The following BANK1 variants were observed in gnomAD, a reference collection of about 807,000 sequenced individuals.
BANK1 encodes the protein B-cell scaffold protein with ankyrin repeats.
BANK1 carries 95 observed loss-of-function variants against 94.5 expected under a neutral mutation model. That is an observed-to-expected ratio of 1.00 (90% CI 0.85 to 1.19). BANK1 has a LOEUF of 1.19. Among genes scored for constraint, BANK1 ranks in the 50% most tolerant of loss-of-function variants. The probability of loss-of-function intolerance (pLI) is 0.00; values close to 1 mark genes in which losing one functional copy is unlikely to be tolerated. For missense variants in BANK1, 987 were observed against 932.2 expected, an observed-to-expected ratio of 1.06 and a Z score of -0.77; for synonymous variants, 334 against 308.4, an observed-to-expected ratio of 1.08 and a Z score of -0.87.
intron 10 of BANK1, among the ~76,000 whole-genome samples, chr4:102,039,848 A>G (rs977843778): frequency 7.2e-5 from 11 of 151,990 alleles, no homozygotes; most frequent in Middle Eastern, 3.2e-3. Context: ...CACAATACGA[A>G]TCTATGTATT....
intron 1 of BANK1, among the ~76,000 whole-genome samples, chr4:101,828,311 A>G (rs183198102): frequency 6.6e-6 from 1 of 151,156 alleles, no homozygotes; most frequent in Non-Finnish European, 1.5e-5. Flanking sequence ...TCCCTCCCCA[A>G]GTCATATAGC....
intron 7 of BANK1, among the ~76,000 whole-genome samples, chr4:101,965,658 G>A (rs1047018934): frequency 9.2e-5 from 14 of 152,046 alleles, no homozygotes; most frequent in African/African-American, 3.4e-4. Context: ...GTCTCAGAAA[G>A]TAGTTCCTAT....
At chr4:101,922,245 G>C (rs537176866) in intron 7 of BANK1, among the ~76,000 whole-genome samples, 1 of 151,892 alleles carries the variant, frequency 6.6e-6, no homozygotes, top group South Asian at 2.1e-4. Flanking sequence ...TAGGTTTTGT[G>C]TTTAGGCTAG....
intron 10 of BANK1, among the ~76,000 whole-genome samples, chr4:102,033,583 T>C (rs1727401378): frequency 6.6e-6 from 1 of 152,192 alleles, no homozygotes; most frequent in Admixed American, 6.5e-5. Flanking sequence ...CGTAGAAACA[T>C]TAAAGAATCT....
intron 1 of BANK1, among the ~76,000 whole-genome samples, chr4:101,814,100 A>C (rs1489051283): frequency 6.6e-6 from 1 of 152,188 alleles, no homozygotes; most frequent in Non-Finnish European, 1.5e-5. Flanking sequence ...TCTGTACATA[A>C]AAAAGCCCTT....
intron 7 of BANK1, among the ~76,000 whole-genome samples, chr4:101,937,304 A>G (rs768274686): frequency 9.2e-5 from 14 of 152,042 alleles, no homozygotes; most frequent in Non-Finnish European, 1.9e-4. Flanking sequence ...CAGACAACCT[A>G]TAGAATAGGA....
At chr4:101,864,375 A>T (rs1211335920) in intron 4 of BANK1, among the ~76,000 whole-genome samples, 37 of 152,196 alleles carry the variant, frequency 2.4e-4, no homozygotes, top group Non-Finnish European at 4.4e-5. Flanking sequence ...ACTAGTAAGA[A>T]CTACATTTTA....
At chr4:101,919,285 C>T (rs906670934) in intron 7 of BANK1, among the ~76,000 whole-genome samples, 2 of 151,858 alleles carry the variant, frequency 1.3e-5, no homozygotes, top group Admixed American at 1.3e-4. Flanking sequence ...TTAAAATTTT[C>T]CCTGGAAGTC....
intron 7 of BANK1, among the ~76,000 whole-genome samples, chr4:101,962,836 T>C (rs1724619437): frequency 6.6e-6 from 1 of 152,092 alleles, no homozygotes; most frequent in South Asian, 2.1e-4. Flanking sequence ...TTGGTATATA[T>C]TACATGGTTT....
At position 101,895,382 on chromosome 4, in the gene BANK1, T is replaced by A; in HGVS notation, c.981T>A (p.Leu327=). Residue 327 remains leucine (L), a synonymous_variant, in exon 6 of 17, where the codon CTT becomes CTA. Transcript: ENST00000322953. ...TACCATATTATGAGTTCCAGTCTCT[T>A]CAAACTGAAATTTGTTCTCAAAACA... ...HEIPYYEFQS[L]QTEICSQNKY... is the part of the protein sequence containing the mutation. 1 of 1,592,144 alleles carries A rather than the reference T, an allele frequency of 6.3e-7. No individual in the cohort carries two copies. The highest frequency in any genetic ancestry group is 8.6e-7 in the Non-Finnish European group (1 of 1,166,994).
intron 1 of BANK1, among the ~76,000 whole-genome samples, chr4:101,805,991 A>C (rs184528525): frequency 6.6e-6 from 1 of 152,184 alleles, no homozygotes; most frequent in South Asian, 2.1e-4. Flanking sequence ...AATATCTTCT[A>C]GGGCAAGTAG....
chr4:101,935,895 C>T (rs1723513286), intron 7 of BANK1, among the ~76,000 whole-genome samples: 1 of 151,478 alleles, frequency 6.6e-6, no homozygotes, highest in East Asian at 2.0e-4. Flanking sequence ...CTGTCTCTCA[C>T]CATATACAAA....
intron 1 of BANK1, among the ~76,000 whole-genome samples, chr4:101,809,004 C>T (rs1725654205): frequency 6.6e-6 from 1 of 152,026 alleles, no homozygotes; most frequent in South Asian, 2.1e-4. Flanking sequence ...TGGGTATCTA[C>T]CCAAAGGAAA....
intron 7 of BANK1, among the ~76,000 whole-genome samples, chr4:101,993,541 C>A (rs1425346791): frequency 6.6e-6 from 1 of 152,102 alleles, no homozygotes; most frequent in Admixed American, 6.6e-5. Context: ...CAAAGCTGAC[C>A]AAGCATATTT....
At chr4:102,058,945 A>G (rs1003785683) in intron 11 of BANK1, among the ~76,000 whole-genome samples, 4 of 152,318 alleles carry the variant, frequency 2.6e-5, no homozygotes, top group Admixed American at 2.6e-4. Flanking sequence ...TCCCTGTTCC[A>G]AGATTCACTG....
At chr4:102,064,221 T>TTA (rs1728517216) in intron 13 of BANK1, among the ~76,000 whole-genome samples, 1 of 152,198 alleles carries the variant, frequency 6.6e-6, no homozygotes, top group Admixed American at 6.5e-5. Context: ...TCTCTTCATA[T>TTA]TATACAGTTA....
chr4:102,057,351 G>A (rs183650240), intron 11 of BANK1, among the ~76,000 whole-genome samples: 2 of 115,248 alleles, frequency 1.7e-5, no homozygotes, highest in Non-Finnish European at 3.6e-5. Context: ...TCTCTCTCTC[G>A]CTTTCTCTCT....
chr4:101,963,089 G>T (rs565764270), intron 7 of BANK1, among the ~76,000 whole-genome samples: 1 of 151,828 alleles, frequency 6.6e-6, no homozygotes, highest in Non-Finnish European at 1.5e-5. Context: ...TTGGACTTGC[G>T]GTATATTTCC....
intron 7 of BANK1, chr4:101,972,429 C>G (rs2148923592): frequency 6.6e-6 from 1 of 152,144 alleles, no homozygotes; most frequent in East Asian, 1.9e-4. Context: ...AGTCTTTACT[C>G]TAAAGACCTT....
Sources: allele counts gnomAD v4.1 joint callset (sites outside exome capture counted in the v4.1 genomes callset), GRCh38; gene constraint gnomAD v4.1.1; transcripts MANE v1.5; gene names NCBI Gene and HGNC (gene_info 2026-07-23, HGNC 2026-07-21).